ATP2B2: variants seen among roughly 807,000 people sequenced by gnomAD.
ATP2B2 encodes ATPase plasma membrane Ca2+ transporting 2.
A neutral mutation model predicts 120.0 loss-of-function variants in ATP2B2; 15 were observed. The ratio of observed to expected loss-of-function variants is 0.12; its 90% confidence interval spans 0.08 to 0.19. The LOEUF is 0.19. Among genes scored for constraint, ATP2B2 ranks in the 10% least tolerant of loss-of-function variants. The pLI is 1.00. For synonymous variants in ATP2B2, 694 were observed against 700.3 expected, an observed-to-expected ratio of 0.99 and a Z score of 0.14; for missense variants, 1,045 against 1,719.8, an observed-to-expected ratio of 0.61 and a Z score of 6.94.
At chr3:10,567,986 C>A (rs894990386) in intron 2 of ATP2B2, among the ~76,000 whole-genome samples, 3 of 152,174 alleles carry the variant, frequency 2.0e-5, no homozygotes, top group African/African-American at 4.8e-5. Context: ...GACAGTATAT[C>A]CTGTTTGGCC....
rs1487534995 is a variant in ATP2B2 at position 10,449,680 on chromosome 3, C to CG, written c.-138dup. ...GCACCAGGCGGCCGACTCCGGGTCCCGGGGGGTGGGGGTGGCCGAGGCGGG... is the reference window on the plus strand; with the variant it reads ...GCACCAGGCGGCCGACTCCGGGTCCCGGGGGGGTGGGGGTGGCCGAGGCGGG... On this transcript the variant is annotated 5_prime_UTR_variant, in exon 2 of 23. It introduces an in-frame stop codon into an upstream open reading frame of the 5' UTR. Coordinates refer to ENST00000360273, the MANE Select transcript of ATP2B2 (RefSeq NM_001001331.4). 4 of 1,078,682 alleles carry CG rather than the reference C, an allele frequency of 3.7e-6. No homozygotes were observed. The highest frequency in any genetic ancestry group is 1.6e-5 in the African/African-American group (1 of 64,186). The allele number at this position is 1,078,682 out of a possible 1,614,324, so 66.8% of individuals were successfully genotyped here.
At chr3:10,483,275 A>T (rs992892408) in intron 1 of ATP2B2, among the ~76,000 whole-genome samples, 8 of 152,240 alleles carry the variant, frequency 5.3e-5, no homozygotes, top group Admixed American at 1.3e-4. Flanking sequence ...ACAGCAGAGG[A>T]GTTAATGACT....
rs888043650 is a variant in ATP2B2, at chr3:10,402,668, T to C, written c.398-320A>G. Among the ~76,000 whole-genome samples, 1 of 152,226 alleles carries C rather than the reference T, an allele frequency of 6.6e-6. No homozygotes were observed. Among genetic ancestry groups the C allele is most frequent in the Non-Finnish European group, 1.5e-5 (1 of 68,048 alleles). Reference sequence around the variant, plus strand: ...CAGTCTGGCTTCAGAGCCCACCATCTTAGCCCCTTCAGTTTTCTGCCTTGG... The same window carrying C: ...CAGTCTGGCTTCAGAGCCCACCATCCTAGCCCCTTCAGTTTTCTGCCTTGG... On this transcript the variant is annotated intron_variant, in intron 3 of 22. Coordinates refer to ENST00000360273, the MANE Select transcript of ATP2B2 (RefSeq NM_001001331.4). The surrounding 1 kb of genome is among the most constrained non-coding windows in gnomAD (Gnocchi z 4.9).
chr3:10,504,633 G>T, intron 1 of ATP2B2, among the ~76,000 whole-genome samples: 1 of 152,052 alleles, frequency 6.6e-6, no homozygotes, highest in South Asian at 2.1e-4. Flanking sequence ...TACTTGGCTA[G>T]AAAGGGGTTG....
Position 10,329,021 on chromosome 3 carries a change from G to A in ATP2B2, c.3525C>T (p.Ile1175=), listed in dbSNP as rs766773779. Residue 1175 remains isoleucine (I), a synonymous_variant, in exon 23 of 23, where the codon ATC becomes ATT. Coordinates refer to ENST00000360273, the MANE Select transcript of ATP2B2 (RefSeq NM_001001331.4). The surrounding 1 kb of genome is among the most constrained non-coding windows in gnomAD (Gnocchi z 5.9). ...GGGGGATGTGGGGCTGGGAATCTTC[G>A]ATCCGGAATTCAGGATGAGCCATGA... is the stretch of plus-strand genomic sequence containing the variant. ...HNFMAHPEFR[I]EDSQPHIPLI... is the part of the protein sequence containing the mutation. 4 of 1,613,976 alleles carry A rather than the reference G, an allele frequency of 2.5e-6. No individual in the cohort carries two copies. Among genetic ancestry groups the A allele is most frequent in the Admixed American group, 1.7e-5 (1 of 59,994 alleles).
At chr3:10,609,531 G>A (rs1559484679) in intron 2 of ATP2B2, among the ~76,000 whole-genome samples, 2 of 152,236 alleles carry the variant, frequency 1.3e-5, no homozygotes, top group Admixed American at 6.5e-5. Flanking sequence ...GGTGGGGGTT[G>A]GATGGTAAAG....
intron 2 of ATP2B2, among the ~76,000 whole-genome samples, chr3:10,605,410 G>A (rs555727032): frequency 5.5e-4 from 83 of 152,264 alleles, no homozygotes; most frequent in African/African-American, 1.9e-3. Context: ...ACCATCCCTG[G>A]GCAATAGCCT....
intron 1 of ATP2B2, among the ~76,000 whole-genome samples, chr3:10,694,541 T>G (rs1028201778): frequency 1.3e-5 from 2 of 152,226 alleles, no homozygotes; most frequent in African/African-American, 4.8e-5. Flanking sequence ...CCACAGCTGT[T>G]TAACACATGA....
At chr3:10,698,811 C>T (rs1337734730) in intron 1 of ATP2B2, among the ~76,000 whole-genome samples, 2 of 152,216 alleles carry the variant, frequency 1.3e-5, no homozygotes, top group South Asian at 2.1e-4. Context: ...CACATCCTCT[C>T]CAGGCCTCGC....
intron 5 of ATP2B2, among the ~76,000 whole-genome samples, chr3:10,392,966 C>T (rs1034119448): frequency 7.2e-5 from 11 of 152,150 alleles, no homozygotes; most frequent in Non-Finnish European, 1.2e-4. Flanking sequence ...GGCAGAGGCC[C>T]GTGTGGACAG....
In ATP2B2 at chr3:10,450,794, C is replaced by A. The variant is rs796771841; in HGVS notation, c.-319-932G>T. Among the ~76,000 whole-genome samples the A allele has an allele frequency of 4.6e-5, 7 of 152,248 alleles. 1 individual carries two copies. Among genetic ancestry groups the A allele is most frequent in the African/African-American group, 1.7e-4 (7 of 41,546 alleles). On this transcript the variant is annotated intron_variant, in intron 1 of 22. Transcript: ENST00000360273. ...CCGCCCGGCCACCCTTACAGGAGTG[C>A]GGCATCTGTGGGGCTGCCAGGAGAG... is the stretch of plus-strand genomic sequence containing the variant.
At chr3:10,624,582 T>G (rs182638220) in intron 1 of ATP2B2, among the ~76,000 whole-genome samples, 3 of 152,246 alleles carry the variant, frequency 2.0e-5, no homozygotes, top group Admixed American at 1.3e-4. Flanking sequence ...TTTTAAGTAT[T>G]TAGCAAGCAG....
chr3:10,674,795 G>GTA lies in ATP2B2; in HGVS notation c.-460+33119_-460+33120insTA, dbSNP rs549645823. On this transcript the variant is annotated intron_variant, in intron 1 of 21. Transcript: ENST00000646379. Reference sequence around the variant, plus strand: ...GCTTGAGCATAAGAACAAAGACATTGTCCCACACAACCACAACTCACCCAT... The same window carrying GTA: ...GCTTGAGCATAAGAACAAAGACATTGTATCCCACACAACCACAACTCACCCAT... Among the ~76,000 whole-genome samples, 729 of 152,258 alleles carry GTA rather than the reference G, an allele frequency of 4.8e-3. 3 individuals are homozygous for GTA. Among genetic ancestry groups the GTA allele is most frequent in the African/African-American group, 0.017 (689 of 41,538 alleles).
Position 10,379,392 on chromosome 3 carries a change from C to T in ATP2B2, c.1001-108G>A, listed in dbSNP as rs541046037. 8 of 1,262,638 alleles carry T rather than the reference C, an allele frequency of 6.3e-6. No individual in the cohort carries two copies. In the African/African-American group the frequency reaches 1.0e-4, roughly 16 times the overall value. 78.2% of individuals were successfully genotyped at this position (1,262,638 alleles called of 1,614,324 possible). ...ATTAATGTCACAGATGAAGGGCGGG[C>T]CGTGCTGACTGCATCCCTCTGTGTG... On this transcript the variant is annotated intron_variant, in intron 8 of 22. Coordinates refer to ENST00000360273, the MANE Select transcript of ATP2B2 (RefSeq NM_001001331.4).
chr3:10,500,285 C>T (rs149616265), intron 1 of ATP2B2, among the ~76,000 whole-genome samples: 2 of 151,926 alleles, frequency 1.3e-5, no homozygotes, highest in East Asian at 3.9e-4. Flanking sequence ...TTCTGTAATC[C>T]GGAAAATGGG....
chr3:10,428,833 G>A lies in ATP2B2; in HGVS notation c.200-18018C>T, dbSNP rs544183401. Among the ~76,000 whole-genome samples the A allele has an allele frequency of 4.6e-5, 7 of 152,354 alleles. No homozygotes were observed. The South Asian group carries it at 1.2e-3, about 27-fold the overall frequency. On this transcript the variant is annotated intron_variant, in intron 2 of 22. Transcript: ENST00000360273. ...GTCACAGAGGCCTTCGCCCAGGTCT[G>A]AGTTCCTAAAGCGGACTTGTCACAG...
chr3:10,614,871 C>T (rs529111374), intron 2 of ATP2B2, among the ~76,000 whole-genome samples: 1 of 152,290 alleles, frequency 6.6e-6, no homozygotes, highest in African/African-American at 2.4e-5. Flanking sequence ...TTTTCAGTCT[C>T]CCAGAAAAGC....
chr3:10,487,932 T>G (rs1455027291), intron 1 of ATP2B2, among the ~76,000 whole-genome samples: 1 of 152,222 alleles, frequency 6.6e-6, no homozygotes, highest in African/African-American at 2.4e-5. Flanking sequence ...ACTATCTTTT[T>G]GCTTCTACCC....
intron 1 of ATP2B2, among the ~76,000 whole-genome samples, chr3:10,637,631 G>A (rs2070057897): frequency 6.6e-6 from 1 of 152,164 alleles, no homozygotes; most frequent in Non-Finnish European, 1.5e-5. Flanking sequence ...ACTGAAAAGA[G>A]TATCAGTGAG....
Sources: gnomAD v4.1 joint callset for allele counts (sites outside exome capture counted in the v4.1 genomes callset) on GRCh38, gnomAD v4.1.1 for gene constraint, Gnocchi (gnomAD v3.1) non-coding constraint, MANE v1.5 for transcripts, NCBI Gene and HGNC (gene_info 2026-07-23, HGNC 2026-07-21) for gene names.